MARCHF3: variants seen among roughly 807,000 people sequenced by gnomAD.
MARCHF3 encodes the protein E3 ubiquitin-protein ligase MARCHF3.
In MARCHF3, 13 loss-of-function variants were observed where a neutral mutation model predicts 24.2. The ratio of observed to expected loss-of-function variants is 0.54; its 90% CI spans 0.35 to 0.85. The LOEUF is 0.85. MARCHF3 is among the 40% of genes least tolerant of loss of function. The pLI is 0.01. For missense variants in MARCHF3, 276 were observed against 325.0 expected (o/e 0.85, Z 1.16); for synonymous variants, 144 against 137.3 (o/e 1.05, Z -0.34).
intron 1 of MARCHF3, among the ~76,000 whole-genome samples, chr5:127,006,320 T>TA (rs1391895462): frequency 1.3e-5 from 2 of 152,306 alleles, no homozygotes; most frequent in East Asian, 1.9e-4. Flanking sequence ...TCATTATGTT[T>TA]AAAAATCTCG....
intron 1 of MARCHF3, among the ~76,000 whole-genome samples, chr5:126,939,779 G>A (rs985334508): frequency 1.8e-4 from 27 of 152,036 alleles, no homozygotes; most frequent in African/African-American, 5.8e-4. Context: ...TGGACCACTG[G>A]CCACATTTTC....
chr5:127,014,308 C>T (rs75523590), intron 1 of MARCHF3, among the ~76,000 whole-genome samples: 3,103 of 152,188 alleles, frequency 0.02, 75 homozygotes, highest in South Asian at 0.12. Flanking sequence ...ATAACTCACC[C>T]CAGATACGAT....
intron 1 of MARCHF3, among the ~76,000 whole-genome samples, chr5:127,000,613 G>A (rs1227034423): frequency 1.3e-5 from 2 of 152,184 alleles, no homozygotes; most frequent in African/African-American, 4.8e-5. Flanking sequence ...TACCAACAGG[G>A]CAGAATGAAA....
intron 3 of MARCHF3, among the ~76,000 whole-genome samples, chr5:126,888,202 C>T (rs1189956060): frequency 1.3e-5 from 2 of 152,212 alleles, no homozygotes; most frequent in Admixed American, 6.5e-5. Flanking sequence ...TTGCCACACA[C>T]ATGTGCACAG....
chr5:126,909,480 G>T (rs1561420552), intron 3 of MARCHF3, among the ~76,000 whole-genome samples: 1 of 152,230 alleles, frequency 6.6e-6, no homozygotes, highest in Non-Finnish European at 1.5e-5. Flanking sequence ...ACACTCCGTG[G>T]GCGTAGGACC....
chr5:126,874,600 A>T (rs536255285), intron 4 of MARCHF3, among the ~76,000 whole-genome samples: 87 of 152,200 alleles, frequency 5.7e-4, no homozygotes, highest in African/African-American at 2.1e-3. Flanking sequence ...AAAAAAAAAA[A>T]AAAAGTCACA....
At chr5:126,880,901 C>T (rs918034662) in intron 3 of MARCHF3, among the ~76,000 whole-genome samples, 7 of 152,156 alleles carry the variant, frequency 4.6e-5, no homozygotes, top group Admixed American at 1.3e-4. Flanking sequence ...TTAGCTAAGA[C>T]TTCCCTTCCT....
chr5:126,937,353 A>G (rs1020223903), intron 1 of MARCHF3, among the ~76,000 whole-genome samples: 1 of 152,268 alleles, frequency 6.6e-6, no homozygotes, highest in Non-Finnish European at 1.5e-5. Context: ...TTTAACAAGA[A>G]AGATGCCAAT....
chr5:126,914,976 C>G lies in MARCHF3; in HGVS notation c.347G>C (p.Cys116Ser). 1.2e-6 allele frequency: 2 copies of G among 1,614,236 alleles called. No homozygotes were observed. Among genetic ancestry groups the G allele is most frequent in the Non-Finnish European group, 1.7e-6 (2 of 1,180,038 alleles). ...SSSNTSYCEL[C>S]HFRFAVERKP... ...GCGCTCGACTGCAAACCTGAAGTGG[C>G]AGAGTTCACAGTAGCTGGTGTTTGA... The change falls in exon 3 of 5, where the codon TGC becomes TCC. Residue 116 changes from cysteine (C) to serine (S), a missense_variant. Coordinates refer to ENST00000308660, the MANE Select transcript of MARCHF3 (RefSeq NM_178450.5).
At chr5:126,880,150 G>A (rs996535496) in intron 3 of MARCHF3, among the ~76,000 whole-genome samples, 2 of 152,124 alleles carry the variant, frequency 1.3e-5, no homozygotes, top group Admixed American at 1.3e-4. Flanking sequence ...GTAAGGCCTG[G>A]CAAAACCCCA....
intron 1 of MARCHF3, among the ~76,000 whole-genome samples, chr5:126,947,040 G>A (rs1298510637): frequency 6.6e-6 from 1 of 152,110 alleles, no homozygotes; most frequent in Non-Finnish European, 1.5e-5. Flanking sequence ...GCCCTTTGGA[G>A]TTGCAAACAC....
chr5:126,924,391 G>A (rs1230195223), intron 1 of MARCHF3, among the ~76,000 whole-genome samples: 2 of 152,138 alleles, frequency 1.3e-5, no homozygotes, highest in East Asian at 1.9e-4. Context: ...AATACAAGGC[G>A]GTCAGTGACT....
intron 1 of MARCHF3, among the ~76,000 whole-genome samples, chr5:127,009,925 A>C (rs1752425100): frequency 6.6e-6 from 1 of 152,222 alleles, no homozygotes; most frequent in South Asian, 2.1e-4. Flanking sequence ...TTCCCTGCCT[A>C]CAAGAAGGAA....
intron 1 of MARCHF3, among the ~76,000 whole-genome samples, chr5:127,020,203 T>C (rs900789391): frequency 1.3e-5 from 2 of 152,226 alleles, no homozygotes; most frequent in African/African-American, 4.8e-5. Context: ...TCTGTTGCTA[T>C]AAAGCAGCCA....
At chr5:126,969,845 T>TA (rs1750940147) in intron 1 of MARCHF3, among the ~76,000 whole-genome samples, 1 of 152,200 alleles carries the variant, frequency 6.6e-6, no homozygotes, top group Non-Finnish European at 1.5e-5. Context: ...CTGCTGGCCC[T>TA]AAGACCACAC....
intron 4 of MARCHF3, 109 bp downstream of exon 4, chr5:126,878,076 G>C (rs1006197919): frequency 9.3e-7 from 1 of 1,073,694 alleles, no homozygotes; most frequent in Admixed American, 2.2e-5. Context: ...TCGAAGGTCT[G>C]TTTTCTACCG....
At chr5:126,993,995 C>T (rs1751864708) in intron 1 of MARCHF3, among the ~76,000 whole-genome samples, 1 of 152,146 alleles carries the variant, frequency 6.6e-6, no homozygotes, top group Non-Finnish European at 1.5e-5. Context: ...TGTCATTCTA[C>T]CTAGTAACCT....
intron 3 of MARCHF3, chr5:126,899,072 T>C: frequency 5.1e-6 from 5 of 985,336 alleles, no homozygotes; most frequent in Non-Finnish European, 6.0e-6. Flanking sequence ...TCTATCCCTC[T>C]AACTCTGTAA....
intron 3 of MARCHF3, among the ~76,000 whole-genome samples, chr5:126,904,419 C>G (rs1383225151): frequency 1.0e-4 from 15 of 147,894 alleles, no homozygotes; most frequent in Non-Finnish European, 1.5e-4. Flanking sequence ...AACTAGTTTA[C>G]AGTCCCACCA....
Sources: gnomAD v4.1 joint callset for allele counts (sites outside exome capture counted in the v4.1 genomes callset) on GRCh38, gnomAD v4.1.1 for gene constraint, MANE v1.5 for transcripts, NCBI Gene and HGNC (gene_info 2026-07-23, HGNC 2026-07-21) for gene names.